MEI4: variants seen among roughly 807,000 people sequenced by gnomAD.
MEI4 encodes meiosis-specific protein MEI4.
A neutral mutation model predicts 31.4 loss-of-function variants in MEI4; 27 were observed. The observed-to-expected ratio is 0.86, with a 90% CI of 0.63 to 1.19. MEI4 has a LOEUF of 1.19. Ranked by LOEUF, MEI4 falls within the 50% of genes most tolerant of loss-of-function variation. The pLI is 0.00. For missense variants in MEI4, 329 were observed against 398.9 expected, an observed-to-expected ratio of 0.82 and a Z score of 1.49; for synonymous variants, 122 against 145.4, an observed-to-expected ratio of 0.84 and a Z score of 1.16.
At chr6:77,798,302 T>C (rs1769139533) in intron 3 of MEI4, among the ~76,000 whole-genome samples, 2 of 151,420 alleles carry the variant, frequency 1.3e-5, no homozygotes, top group South Asian at 4.2e-4. Flanking sequence ...TCCTAACGTA[T>C]TGATTATTAT....
At chr6:77,883,902 A>G (rs1469368904) in intron 4 of MEI4, among the ~76,000 whole-genome samples, 1 of 151,150 alleles carries the variant, frequency 6.6e-6, no homozygotes, top group Admixed American at 6.6e-5. Flanking sequence ...GTATTGCAGG[A>G]TTTCATGGTA....
chr6:77,918,139 G>A (rs1766608124), intron 4 of MEI4, among the ~76,000 whole-genome samples: 1 of 150,176 alleles, frequency 6.7e-6, no homozygotes, highest in Non-Finnish European at 1.5e-5. Context: ...CTCTGTTTTG[G>A]TACCAGTACC....
intron 4 of MEI4, among the ~76,000 whole-genome samples, chr6:77,918,127 ATCTC>A (rs1766607718): frequency 6.7e-6 from 1 of 149,654 alleles, no homozygotes; most frequent in African/African-American, 2.4e-5. Flanking sequence ...ATTGATCTAT[ATCTC>A]TGTTTTGGTA....
chr6:77,864,462 C>A (rs1466037229), intron 4 of MEI4, among the ~76,000 whole-genome samples: 4 of 152,160 alleles, frequency 2.6e-5, no homozygotes, highest in African/African-American at 9.6e-5. Context: ...TTTAAACCAA[C>A]AAAGATCAAA....
At chr6:77,770,333 G>A (rs1768281932) in intron 3 of MEI4, among the ~76,000 whole-genome samples, 1 of 151,914 alleles carries the variant, frequency 6.6e-6, no homozygotes, top group Non-Finnish European at 1.5e-5. Context: ...CTAATACAAA[G>A]TTTACAATGA....
At chr6:77,852,871 C>G (rs1439493701) in intron 4 of MEI4, among the ~76,000 whole-genome samples, 1 of 151,976 alleles carries the variant, frequency 6.6e-6, no homozygotes, top group Admixed American at 6.6e-5. Context: ...GACCATAAAA[C>G]TATGTATAGG....
At chr6:77,861,770 T>G (rs924062616) in intron 4 of MEI4, among the ~76,000 whole-genome samples, 5 of 152,150 alleles carry the variant, frequency 3.3e-5, no homozygotes, top group African/African-American at 1.2e-4. Flanking sequence ...TTTGTGAAAT[T>G]ATTGTGAGGA....
intron 2 of MEI4, among the ~76,000 whole-genome samples, chr6:77,737,231 A>G (rs1429848228): frequency 6.6e-6 from 1 of 152,240 alleles, no homozygotes; most frequent in Admixed American, 6.5e-5. Flanking sequence ...TATTTAGGTT[A>G]TCTGATGGAT....
chr6:77,789,559 G>GA (rs1768853851), intron 3 of MEI4, among the ~76,000 whole-genome samples: 1 of 151,736 alleles, frequency 6.6e-6, no homozygotes, highest in Non-Finnish European at 1.5e-5. Context: ...AATTTACAAG[G>GA]AAAAAACAAA....
At chr6:77,785,904 T>G (rs1188487369) in intron 3 of MEI4, among the ~76,000 whole-genome samples, 1 of 152,122 alleles carries the variant, frequency 6.6e-6, no homozygotes, top group South Asian at 2.1e-4. Flanking sequence ...ATTACCTAGA[T>G]TGCTCCCATC....
intron 4 of MEI4, among the ~76,000 whole-genome samples, chr6:77,881,133 G>T: frequency 6.8e-6 from 1 of 146,436 alleles, no homozygotes. Context: ...AATCACTTTA[G>T]TCTCAACATT....
intron 2 of MEI4, among the ~76,000 whole-genome samples, chr6:77,752,586 C>G (rs888826957): frequency 6.6e-6 from 1 of 152,094 alleles, no homozygotes; most frequent in Non-Finnish European, 1.5e-5. Context: ...GAACTACAAA[C>G]CACTGCTTAA....
At chr6:77,899,430 A>G (rs1018018846) in intron 4 of MEI4, among the ~76,000 whole-genome samples, 3 of 152,038 alleles carry the variant, frequency 2.0e-5, no homozygotes. Context: ...TAATCATGGG[A>G]TTGTAGAATT....
chr6:77,762,234 A>G (rs1232851324), intron 3 of MEI4, among the ~76,000 whole-genome samples: 1 of 152,186 alleles, frequency 6.6e-6, no homozygotes, highest in African/African-American at 2.4e-5. Context: ...GCTAAGGAGC[A>G]CATAATATAA....
At chr6:77,690,075 G>T (rs901027428) in intron 1 of MEI4, among the ~76,000 whole-genome samples, 2 of 151,940 alleles carry the variant, frequency 1.3e-5, no homozygotes, top group African/African-American at 2.4e-5. Context: ...GAGTAGACTC[G>T]CAACTTAAAT....
chr6:77,693,696 G>T (rs931707852), intron 2 of MEI4, among the ~76,000 whole-genome samples: 6 of 151,790 alleles, frequency 4.0e-5, no homozygotes, highest in African/African-American at 1.5e-4. Context: ...AAAGGGGAGA[G>T]AAAAAATATA....
chr6:77,761,690 T>C (rs1472952723), intron 3 of MEI4, 25 bp downstream of exon 3: 1 of 1,213,858 alleles, frequency 8.2e-7, no homozygotes, highest in African/African-American at 1.6e-5. Flanking sequence ...CCTCTTTTAT[T>C]CCTAAAATGC....
intron 4 of MEI4, among the ~76,000 whole-genome samples, chr6:77,853,856 C>T (rs965316670): frequency 2.0e-5 from 3 of 152,158 alleles, no homozygotes; most frequent in African/African-American, 7.2e-5. Context: ...TCTTCAAAGA[C>T]TTTACAACAT....
chr6:77,778,778 G>A (rs148772572), intron 3 of MEI4, among the ~76,000 whole-genome samples: 96 of 152,116 alleles, frequency 6.3e-4, no homozygotes, highest in African/African-American at 1.6e-3. Flanking sequence ...GGGGGAGAAT[G>A]TAAGGATTTG....
Sources: allele counts gnomAD v4.1 joint callset (sites outside exome capture counted in the v4.1 genomes callset), GRCh38; gene constraint gnomAD v4.1.1; transcripts MANE v1.5; gene names NCBI Gene and HGNC (gene_info 2026-07-23, HGNC 2026-07-21).